The following TGFA variants were observed in gnomAD, a reference collection of about 807,000 sequenced individuals.
The protein encoded by TGFA is protransforming growth factor alpha.
In TGFA, 12 loss-of-function variants were observed where a neutral mutation model predicts 21.7. The ratio of observed to expected loss-of-function variants is 0.55; its 90% CI spans 0.35 to 0.90. The LOEUF (loss-of-function observed/expected upper bound fraction) is 0.90, where lower values mean the gene tolerates loss of function less well. Among genes scored for constraint, TGFA ranks in the 40% least tolerant of loss-of-function variants. The pLI is 0.01. For synonymous variants in TGFA, 79 were observed against 88.1 expected, an observed-to-expected ratio of 0.90 and a Z score of 0.58; for missense variants, 178 against 210.8, an observed-to-expected ratio of 0.84 and a Z score of 0.96.
At chr2:70,507,916 A>G (rs919103547) in intron 2 of TGFA, among the ~76,000 whole-genome samples, 9 of 152,132 alleles carry the variant, frequency 5.9e-5, no homozygotes, top group African/African-American at 1.9e-4. Flanking sequence ...TAGTTTATCA[A>G]CCTATTTCTG....
chr2:70,547,248 G>C (rs1673333371), intron 1 of TGFA, among the ~76,000 whole-genome samples: 1 of 152,140 alleles, frequency 6.6e-6, no homozygotes, highest in Non-Finnish European at 1.5e-5. Flanking sequence ...ATGTAGTCAA[G>C]GGAGTATTTC....
chr2:70,491,518 C>T (rs920204414), intron 2 of TGFA, among the ~76,000 whole-genome samples: 13 of 152,176 alleles, frequency 8.5e-5, no homozygotes, highest in Admixed American at 7.9e-4. Flanking sequence ...TGTGAACTGG[C>T]CTATATGAAA....
At chr2:70,535,781 T>C (rs2103917162) in intron 1 of TGFA, among the ~76,000 whole-genome samples, 1 of 152,370 alleles carries the variant, frequency 6.6e-6, no homozygotes, top group South Asian at 2.1e-4. Context: ...TCGTATTACA[T>C]AGTGAATTGA....
intron 4 of TGFA, among the ~76,000 whole-genome samples, chr2:70,455,865 GAA>G (rs781861656): frequency 1.3e-5 from 2 of 152,214 alleles, no homozygotes; most frequent in African/African-American, 2.4e-5. Flanking sequence ...GAGGGGCAGA[GAA>G]GTGGACAAAG....
At position 70,474,266 on chromosome 2, in the gene TGFA, A is replaced by G. The variant is rs190836913; in HGVS notation, c.95-8530T>C. Among the ~76,000 whole-genome samples the G allele has an allele frequency of 2.0e-5, 3 of 152,380 alleles. No homozygotes were observed. The East Asian group carries it at 5.8e-4, about 29-fold the overall frequency. On this transcript the variant is annotated intron_variant, in intron 2 of 5. Transcript: ENST00000295400. ...AACTGAAGCTTAGATAACCTTGTCA[A>G]TGGACATATAGCTGGAATGTAGTAG... is the stretch of plus-strand genomic sequence containing the variant.
At chr2:70,478,195 CT>C (rs1574086673) in intron 2 of TGFA, among the ~76,000 whole-genome samples, 1 of 152,146 alleles carries the variant, frequency 6.6e-6, no homozygotes, top group African/African-American at 2.4e-5. Context: ...GTGAGATCAG[CT>C]TTGTAATTGA....
intron 1 of TGFA, among the ~76,000 whole-genome samples, chr2:70,529,742 CTT>C (rs1407721755): frequency 6.6e-6 from 1 of 152,130 alleles, no homozygotes; most frequent in African/African-American, 2.4e-5. Context: ...CCCTGGAAGA[CTT>C]TGAGCAGAGG....
chr2:70,504,451 TATATATATATATAC>T (rs1271412876), intron 2 of TGFA, among the ~76,000 whole-genome samples: 3 of 71,298 alleles, frequency 4.2e-5, no homozygotes, highest in Admixed American at 1.3e-4. Context: ...TATATATATA[TATATATATATATAC>T]ACACATACAT....
intron 2 of TGFA, among the ~76,000 whole-genome samples, chr2:70,476,440 C>T (rs1344485617): frequency 6.6e-6 from 1 of 152,170 alleles, no homozygotes; most frequent in Non-Finnish European, 1.5e-5. Flanking sequence ...GGAGGAACAG[C>T]CCCGTTAGAG....
At chr2:70,533,675 A>C (rs1335786011) in intron 1 of TGFA, among the ~76,000 whole-genome samples, 1 of 152,110 alleles carries the variant, frequency 6.6e-6, no homozygotes, top group East Asian at 1.9e-4. Context: ...AACTGTTAAC[A>C]AATTAACTGT....
intron 2 of TGFA, among the ~76,000 whole-genome samples, chr2:70,504,749 C>T (rs1180568035): frequency 6.6e-6 from 1 of 151,970 alleles, no homozygotes; most frequent in Non-Finnish European, 1.5e-5. Flanking sequence ...AAAAGAGTCA[C>T]ACAGTTATTT....
chr2:70,519,324 C>A lies in TGFA; in HGVS notation c.41-4412G>T, dbSNP rs368688636. Among the ~76,000 whole-genome samples, 14 of 152,268 alleles carry A rather than the reference C, an allele frequency of 9.2e-5. 1 individual carries two copies. Among genetic ancestry groups the A allele is most frequent in the African/African-American group, 3.4e-4 (14 of 41,554 alleles). ...TATAAAGAAATGGGCCACACAGAACCCAGGGCCAGATAGTATAGGTTCATG... is the reference window on the plus strand; with the variant it reads ...TATAAAGAAATGGGCCACACAGAACACAGGGCCAGATAGTATAGGTTCATG... On this transcript the variant is annotated intron_variant, in intron 1 of 5. Coordinates refer to ENST00000295400, the MANE Select transcript of TGFA (RefSeq NM_003236.4).
At chr2:70,529,506 T>C (rs1230935267) in intron 1 of TGFA, among the ~76,000 whole-genome samples, 4 of 152,012 alleles carry the variant, frequency 2.6e-5, no homozygotes, top group African/African-American at 7.3e-5. Flanking sequence ...AGATGACATC[T>C]GACACAGGCC....
chr2:70,537,070 G>C (rs1553504539), intron 1 of TGFA, among the ~76,000 whole-genome samples: 1 of 147,232 alleles, frequency 6.8e-6, no homozygotes. Flanking sequence ...GTGTCTCTGT[G>C]TCACATTTTG....
intron 1 of TGFA, chr2:70,553,218 G>A: frequency 6.5e-7 from 1 of 1,536,190 alleles, no homozygotes; most frequent in South Asian, 1.2e-5. Context: ...AGAGATCGAG[G>A]GCGCCTCTGC....
chr2:70,466,991 C>T (rs782679113), intron 2 of TGFA, among the ~76,000 whole-genome samples: 31 of 152,000 alleles, frequency 2.0e-4, no homozygotes, highest in Non-Finnish European at 3.5e-4. Context: ...AAAGAGAACA[C>T]GTGGACACAG....
At chr2:70,456,518 T>C (rs542348259) in intron 3 of TGFA, 30 bp from the exon 4 acceptor site, 3 of 1,576,810 alleles carry the variant, frequency 1.9e-6, no homozygotes, top group Non-Finnish European at 1.7e-6. Flanking sequence ...CAGTGCACTC[T>C]CCTGACAAAA....
intron 2 of TGFA, chr2:70,467,471 C>T (rs141475228): frequency 1.3e-5 from 2 of 152,216 alleles, no homozygotes; most frequent in African/African-American, 4.8e-5. Context: ...GCACAACAGA[C>T]CTGCTGACCA....
intron 1 of TGFA, among the ~76,000 whole-genome samples, chr2:70,524,339 G>A (rs1053964073): frequency 1.3e-5 from 2 of 152,220 alleles, no homozygotes; most frequent in Non-Finnish European, 2.9e-5. Context: ...TGTGCCAGGA[G>A]GAAGCAATTG....
Sources: allele counts gnomAD v4.1 joint callset (sites outside exome capture counted in the v4.1 genomes callset), GRCh38; gene constraint gnomAD v4.1.1; transcripts MANE v1.5; gene names NCBI Gene and HGNC (gene_info 2026-07-23, HGNC 2026-07-21).